CLDN10: variants seen among roughly 807,000 people sequenced by gnomAD.
The protein encoded by CLDN10 is claudin 10.
A neutral mutation model predicts 22.9 loss-of-function variants in CLDN10; 15 were observed. The observed-to-expected ratio is 0.65, with a 90% CI of 0.44 to 1.01. The LOEUF is 1.01. Ranked by LOEUF, CLDN10 falls within the 50% of genes least tolerant of loss-of-function variation. The pLI is 0.00. For missense variants in CLDN10, 247 were observed against 287.8 expected, an observed-to-expected ratio of 0.86 and a Z score of 1.03; for synonymous variants, 114 against 111.4, an observed-to-expected ratio of 1.02 and a Z score of -0.15.
chr13:95,574,847 T>C (rs1043463989), intron 3 of CLDN10, among the ~76,000 whole-genome samples: 1 of 152,214 alleles, frequency 6.6e-6, no homozygotes, highest in Non-Finnish European at 1.5e-5. Flanking sequence ...TCATGATTCC[T>C]AAATTTCTCC....
At chr13:95,494,556 A>C (rs1243787246) in intron 1 of CLDN10, among the ~76,000 whole-genome samples, 1 of 152,256 alleles carries the variant, frequency 6.6e-6, no homozygotes, top group African/African-American at 2.4e-5. Context: ...TTTTAGTGTT[A>C]AATAATTGAG....
At chr13:95,540,082 C>T (rs1274686999) in intron 1 of CLDN10, among the ~76,000 whole-genome samples, 1 of 152,036 alleles carries the variant, frequency 6.6e-6, no homozygotes, top group Non-Finnish European at 1.5e-5. Flanking sequence ...GGTGGATCAC[C>T]TGAGGTCAGG....
intron 1 of CLDN10, among the ~76,000 whole-genome samples, chr13:95,536,253 C>T (rs1278995279): frequency 6.6e-6 from 1 of 150,882 alleles, no homozygotes; most frequent in Non-Finnish European, 1.5e-5. Flanking sequence ...GAGTTCAAGA[C>T]CAACCTAGTC....
intron 1 of CLDN10, among the ~76,000 whole-genome samples, chr13:95,455,082 T>TAG (rs2042469172): frequency 6.6e-6 from 1 of 150,992 alleles, no homozygotes; most frequent in African/African-American, 2.4e-5. Flanking sequence ...GAGACTGAGG[T>TAG]GGGAGGACTG....
intron 3 of CLDN10, among the ~76,000 whole-genome samples, chr13:95,568,154 T>C (rs2043809118): frequency 6.6e-6 from 1 of 152,210 alleles, no homozygotes; most frequent in African/African-American, 2.4e-5. Flanking sequence ...TTTATTTAAG[T>C]TTACTCCATT....
intron 3 of CLDN10, chr13:95,560,749 T>G: frequency 3.1e-6 from 1 of 327,556 alleles, no homozygotes; most frequent in Non-Finnish European, 5.7e-6. Flanking sequence ...TGAGGTCAAG[T>G]AGAGGAAACG....
chr13:95,452,216 C>T (rs1251953565), intron 1 of CLDN10, among the ~76,000 whole-genome samples: 1 of 152,144 alleles, frequency 6.6e-6, no homozygotes, highest in Non-Finnish European at 1.5e-5. Flanking sequence ...CTCACGTTTT[C>T]CTTCATTCTA....
At chr13:95,544,023 A>G (rs1209608911) in intron 1 of CLDN10, among the ~76,000 whole-genome samples, 1 of 152,218 alleles carries the variant, frequency 6.6e-6, no homozygotes. Context: ...TTCATGCTTA[A>G]CATTCTACCA....
chr13:95,484,360 T>C (rs189382866), intron 1 of CLDN10, among the ~76,000 whole-genome samples: 1 of 152,346 alleles, frequency 6.6e-6, no homozygotes, highest in African/African-American at 2.4e-5. Flanking sequence ...TCTTGACTGG[T>C]CTTTCTACTT....
At chr13:95,551,443 TA>T (rs1383603087), upstream of CLDN10, among the ~76,000 whole-genome samples, 1 of 152,152 alleles carries the variant, frequency 6.6e-6, no homozygotes, top group African/African-American at 2.4e-5. Context: ...TCTTCCAATC[TA>T]AGTTTTGATG....
At chr13:95,562,820 T>G (rs926856726) in intron 3 of CLDN10, among the ~76,000 whole-genome samples, 1 of 152,250 alleles carries the variant, frequency 6.6e-6, no homozygotes, top group Non-Finnish European at 1.5e-5. Flanking sequence ...TTAAAAATCA[T>G]TGGACTCTTT....
At chr13:95,543,409 A>G (rs2043479024) in intron 1 of CLDN10, among the ~76,000 whole-genome samples, 1 of 152,146 alleles carries the variant, frequency 6.6e-6, no homozygotes, top group Non-Finnish European at 1.5e-5. Flanking sequence ...GTGAAATACA[A>G]GAGTCTTGAA....
intron 1 of CLDN10, among the ~76,000 whole-genome samples, chr13:95,555,047 G>GT (rs71211686): frequency 0.043 from 4,720 of 108,540 alleles, 171 homozygotes; most frequent in Middle Eastern, 0.071. Context: ...TGTTAATCCA[G>GT]TTTTTTTTTT....
intron 1 of CLDN10, among the ~76,000 whole-genome samples, chr13:95,530,497 C>T (rs2043330056): frequency 6.6e-6 from 1 of 152,178 alleles, no homozygotes; most frequent in Admixed American, 6.5e-5. Context: ...GACTTAGAAC[C>T]ACTCTTCGCC....
At chr13:95,458,243 A>T (rs772160596) in intron 1 of CLDN10, among the ~76,000 whole-genome samples, 8 of 152,208 alleles carry the variant, frequency 5.3e-5, no homozygotes, top group Non-Finnish European at 1.2e-4. Flanking sequence ...GGCCAAACAC[A>T]GAGTCAAGAG....
At chr13:95,532,106 G>A (rs2138606716) in intron 1 of CLDN10, among the ~76,000 whole-genome samples, 1 of 152,180 alleles carries the variant, frequency 6.6e-6, no homozygotes, top group Admixed American at 6.5e-5. Context: ...GGTAGGCAAA[G>A]GTTTCATAAG....
intron 1 of CLDN10, among the ~76,000 whole-genome samples, chr13:95,454,412 G>A (rs558754673): frequency 1.1e-4 from 17 of 152,202 alleles, no homozygotes; most frequent in Middle Eastern, 3.4e-3. Context: ...CTCCAGCCTG[G>A]GTGAGCAAGA....
chr13:95,541,048 A>G (rs2043455043), intron 1 of CLDN10, among the ~76,000 whole-genome samples: 1 of 152,248 alleles, frequency 6.6e-6, no homozygotes, highest in African/African-American at 2.4e-5. Flanking sequence ...CACACTGAGA[A>G]TGCAGCAGCT....
intron 1 of CLDN10, among the ~76,000 whole-genome samples, chr13:95,437,795 T>G (rs1437240591): frequency 6.6e-6 from 1 of 152,198 alleles, no homozygotes; most frequent in African/African-American, 2.4e-5. Context: ...CTCAGCAGAC[T>G]GAGCCTTGCA....
Sources: allele counts gnomAD v4.1 joint callset (sites outside exome capture counted in the v4.1 genomes callset), GRCh38; gene constraint gnomAD v4.1.1; transcripts MANE v1.5; gene names NCBI Gene and HGNC (gene_info 2026-07-23, HGNC 2026-07-21).